CACNG2: variants seen among roughly 807,000 people sequenced by gnomAD.
The protein encoded by CACNG2 is voltage-dependent calcium channel gamma-2 subunit.
Under a neutral mutation model 25.9 loss-of-function variants are expected in CACNG2, and 3 were observed. That is an observed-to-expected ratio of 0.12 (90% CI 0.05 to 0.30). The LOEUF is 0.30. CACNG2 is among the 10% of genes least tolerant of loss of function. CACNG2 has a pLI of 1.00. For missense variants in CACNG2, 341 were observed against 432.5 expected, an observed-to-expected ratio of 0.79 and a Z score of 1.88; for synonymous variants, 167 against 173.3, an observed-to-expected ratio of 0.96 and a Z score of 0.29.
At chr22:36,596,316 A>G (rs2145928653) in intron 1 of CACNG2, among the ~76,000 whole-genome samples, 1 of 152,344 alleles carries the variant, frequency 6.6e-6, no homozygotes, top group Non-Finnish European at 1.5e-5. Flanking sequence ...AGGGTGGGCC[A>G]TGCCTGGCTT....
In CACNG2 at chr22:36,563,763, C is replaced by G. The variant is rs1253198454; in HGVS notation, c.*588G>C. 6.6e-6 allele frequency among the ~76,000 whole-genome samples: 1 copy of G among 151,810 alleles called. No homozygotes were observed. The highest frequency in any genetic ancestry group is 2.4e-5 in the African/African-American group (1 of 41,348). On this transcript the variant is annotated 3_prime_UTR_variant, in exon 4 of 4. Transcript: ENST00000300105. ...TGCAGGCTCACCTGGCCCCAGGGCC[C>G]CTGAGTCTCGCCCCCCAATCTCCCA...
intron 1 of CACNG2, among the ~76,000 whole-genome samples, chr22:36,691,079 A>G (rs924909524): frequency 6.6e-6 from 1 of 152,210 alleles, no homozygotes; most frequent in Non-Finnish European, 1.5e-5. Flanking sequence ...TGGCAATGGT[A>G]GTAACTTGGT....
chr22:36,696,063 C>T (rs971802760), intron 1 of CACNG2, among the ~76,000 whole-genome samples: 1 of 152,172 alleles, frequency 6.6e-6, no homozygotes, highest in African/African-American at 2.4e-5. Context: ...ATATTTCTTG[C>T]ATTATCAGTC....
intron 1 of CACNG2, among the ~76,000 whole-genome samples, chr22:36,611,991 GT>G (rs1388624287): frequency 6.6e-6 from 1 of 152,232 alleles, no homozygotes; most frequent in Non-Finnish European, 1.5e-5. Flanking sequence ...TCAAAACATG[GT>G]TGTGAAGATT....
intron 1 of CACNG2, among the ~76,000 whole-genome samples, chr22:36,686,469 T>A (rs559551555): frequency 6.6e-6 from 1 of 152,250 alleles, no homozygotes; most frequent in African/African-American, 2.4e-5. Context: ...CCCAAGGGTA[T>A]CAGCTGGCAT....
rs573792797 is a variant in CACNG2, at chr22:36,572,014, T to TCCCTATA, written c.296-5528_296-5522dup. Among the ~76,000 whole-genome samples, 219 of 152,296 alleles carry TCCCTATA rather than the reference T, an allele frequency of 1.4e-3. 2 individuals are homozygous for TCCCTATA. The highest frequency in any genetic ancestry group is 4.8e-3 in the African/African-American group (201 of 41,560). On this transcript the variant is annotated intron_variant, in intron 2 of 3. Transcript: ENST00000300105. ...CCAAAACATCAGTCCAGGCATAACT[T>TCCCTATA]CCCTATAAATTGTCCTCACTTCCTA... is the stretch of plus-strand genomic sequence containing the variant.
At chr22:36,611,071 T>C (rs1319345779) in intron 1 of CACNG2, among the ~76,000 whole-genome samples, 3 of 152,230 alleles carry the variant, frequency 2.0e-5, no homozygotes, top group Non-Finnish European at 4.4e-5. Flanking sequence ...TTTGATATGA[T>C]GTCGGAACTT....
At chr22:36,665,868 T>A (rs1425009248) in intron 1 of CACNG2, among the ~76,000 whole-genome samples, 1 of 152,220 alleles carries the variant, frequency 6.6e-6, no homozygotes, top group Non-Finnish European at 1.5e-5. Flanking sequence ...CACTTCTGGG[T>A]ATCTACCCAA....
At chr22:36,674,832 C>T (rs1937000672) in intron 1 of CACNG2, among the ~76,000 whole-genome samples, 2 of 152,208 alleles carry the variant, frequency 1.3e-5, no homozygotes. Context: ...CAGGCCTCTG[C>T]TAATTGGCCG....
rs975475012 is a variant in CACNG2, at chr22:36,668,087, A to T, written c.211+34279T>A. ...ATTAGGTCCATTTCAAAGGGGAGGG[A>T]ATGGAGGCTCACTGCTTTCCGGGGC... On this transcript the variant is annotated intron_variant, in intron 1 of 3. Transcript: ENST00000300105. Among the ~76,000 whole-genome samples, 4 of 152,266 alleles carry T rather than the reference A, an allele frequency of 2.6e-5. No homozygotes were observed. In the East Asian group the frequency reaches 7.7e-4, roughly 29 times the overall value.
At chr22:36,590,674 C>G (rs981408417) in intron 1 of CACNG2, among the ~76,000 whole-genome samples, 14 of 152,204 alleles carry the variant, frequency 9.2e-5, no homozygotes, top group Non-Finnish European at 2.9e-5. Context: ...TCCTTCTCTA[C>G]AGAGCTATGA....
chr22:36,590,644 T>A (rs1053139929), intron 1 of CACNG2, among the ~76,000 whole-genome samples: 3 of 152,126 alleles, frequency 2.0e-5, no homozygotes, highest in African/African-American at 7.2e-5. Context: ...TCCCCACTCA[T>A]CAGTTTGCAC....
chr22:36,617,754 A>C (rs755989401), intron 1 of CACNG2, among the ~76,000 whole-genome samples: 6 of 149,824 alleles, frequency 4.0e-5, no homozygotes, highest in Non-Finnish European at 8.9e-5. Context: ...TGACTTCATC[A>C]CCTCTCTGCT....
intron 1 of CACNG2, among the ~76,000 whole-genome samples, chr22:36,628,055 T>A (rs1053628100): frequency 1.3e-5 from 2 of 152,202 alleles, no homozygotes; most frequent in African/African-American, 4.8e-5. Context: ...CAAATAACTT[T>A]CAGTATTTCT....
intron 1 of CACNG2, among the ~76,000 whole-genome samples, chr22:36,609,685 C>G (rs1935902623): frequency 8.1e-6 from 1 of 124,072 alleles, no homozygotes; most frequent in African/African-American, 3.4e-5. Flanking sequence ...GGGCAGGAAT[C>G]AACCCCCCAG....
In CACNG2 at chr22:36,657,035, T is replaced by C. The variant is rs561671435; in HGVS notation, c.211+45331A>G. On this transcript the variant is annotated intron_variant, in intron 1 of 3. Transcript: ENST00000300105. ...TTGGATCCCAGTGCCCGGAAGAGCA[T>C]CTGGCACACAGAAGTGCTCGACAGT... 2.0e-5 allele frequency among the ~76,000 whole-genome samples: 3 copies of C among 152,308 alleles called. No individual in the cohort carries two copies. The East Asian group carries it at 5.8e-4, about 29-fold the overall frequency.
chr22:36,689,979 C>T (rs1301775083), intron 1 of CACNG2, among the ~76,000 whole-genome samples: 2 of 152,264 alleles, frequency 1.3e-5, no homozygotes, highest in African/African-American at 4.8e-5. Flanking sequence ...ATCTTATCAA[C>T]AGGCCCTGCT....
intron 1 of CACNG2, among the ~76,000 whole-genome samples, chr22:36,663,038 T>TAA (rs112291671): frequency 7.2e-6 from 1 of 139,504 alleles, no homozygotes; most frequent in Non-Finnish European, 1.5e-5. Context: ...TAATAAGAGT[T>TAA]AAAAAAAAAA....
intron 1 of CACNG2, among the ~76,000 whole-genome samples, chr22:36,645,563 A>AAG (rs1936509895): frequency 1.6e-5 from 2 of 128,964 alleles, no homozygotes; most frequent in Admixed American, 1.6e-4. Context: ...AAAAAAAAAA[A>AAG]AAAGAAATGC....
Sources: allele counts gnomAD v4.1 joint callset (sites outside exome capture counted in the v4.1 genomes callset), GRCh38; gene constraint gnomAD v4.1.1; transcripts MANE v1.5; gene names NCBI Gene and HGNC (gene_info 2026-07-23, HGNC 2026-07-21).